Variants in NEDD4L observed in about 807,000 individuals in gnomAD.
NEDD4L encodes NEDD4 like E3 ubiquitin protein ligase.
NEDD4L carries 54 observed loss-of-function variants against 148.9 expected under a neutral mutation model. That is an observed-to-expected ratio of 0.36 (90% CI 0.29 to 0.45). The LOEUF (loss-of-function observed/expected upper bound fraction) is 0.45, where lower values mean the gene tolerates loss of function less well. Among genes scored for constraint, NEDD4L ranks in the 20% least tolerant of loss-of-function variants. The pLI is 1.00. For missense variants in NEDD4L, 856 were observed against 1,233.8 expected (o/e 0.69, Z 4.59); for synonymous variants, 433 against 440.7 (o/e 0.98, Z 0.22).
chr18:58,086,771 A>T (rs1419188236), intron 1 of NEDD4L, among the ~76,000 whole-genome samples: 1 of 152,254 alleles, frequency 6.6e-6, no homozygotes, highest in Non-Finnish European at 1.5e-5. Flanking sequence ...TATGATAGTT[A>T]TCTAATGTTG....
chr18:58,199,346 A>G (rs377556886), intron 2 of NEDD4L, among the ~76,000 whole-genome samples: 149 of 151,880 alleles, frequency 9.8e-4, no homozygotes, highest in African/African-American at 3.4e-3. Flanking sequence ...GACATTTTTC[A>G]TTGTCATATT....
intron 1 of NEDD4L, among the ~76,000 whole-genome samples, chr18:58,122,979 C>T (rs113330478): frequency 2.4e-4 from 36 of 152,166 alleles, no homozygotes; most frequent in African/African-American, 8.0e-4. Context: ...GTGATCCACC[C>T]ACTTCAGCCC....
At chr18:58,198,533 G>A (rs936141586) in intron 2 of NEDD4L, among the ~76,000 whole-genome samples, 1 of 152,196 alleles carries the variant, frequency 6.6e-6, no homozygotes, top group Admixed American at 6.5e-5. Flanking sequence ...CTAAGGTGGA[G>A]TGTCGGGGAG....
intron 2 of NEDD4L, among the ~76,000 whole-genome samples, chr18:58,209,133 G>A (rs56289638): frequency 0.36 from 50,877 of 142,326 alleles, 10,300 homozygotes; most frequent in East Asian, 0.62. Flanking sequence ...GTTCAAACTC[G>A]GCCTGCACTC....
intron 1 of NEDD4L, among the ~76,000 whole-genome samples, chr18:58,134,259 C>CTTT (rs1490190253): frequency 1.3e-5 from 2 of 152,140 alleles, no homozygotes; most frequent in Non-Finnish European, 2.9e-5. Flanking sequence ...CCTCGGGCTC[C>CTTT]CAAAGTGCTG....
At chr18:58,078,654 A>G (rs2083288562) in intron 1 of NEDD4L, among the ~76,000 whole-genome samples, 1 of 152,218 alleles carries the variant, frequency 6.6e-6, no homozygotes, top group Non-Finnish European at 1.5e-5. Context: ...ACTAGTTTTT[A>G]GGAAAACAAT....
At chr18:58,117,727 C>T (rs944593248) in intron 1 of NEDD4L, among the ~76,000 whole-genome samples, 7 of 152,186 alleles carry the variant, frequency 4.6e-5, no homozygotes, top group African/African-American at 1.4e-4. Flanking sequence ...CTGGGCCTCT[C>T]TGGAGTCTCT....
chr18:58,094,194 C>CT (rs1041855993), intron 1 of NEDD4L, among the ~76,000 whole-genome samples: 18 of 146,330 alleles, frequency 1.2e-4, no homozygotes, highest in Admixed American at 3.4e-4. Context: ...TTTTTCTTTT[C>CT]TTTTTTTTGA....
intron 1 of NEDD4L, among the ~76,000 whole-genome samples, chr18:58,065,925 T>C (rs1454921790): frequency 6.6e-6 from 1 of 152,236 alleles, no homozygotes; most frequent in Admixed American, 6.5e-5. Flanking sequence ...TATTGAATGA[T>C]AGCTCACTGC....
intron 1 of NEDD4L, among the ~76,000 whole-genome samples, chr18:58,123,526 C>T (rs1348406852): frequency 6.6e-6 from 1 of 152,148 alleles, no homozygotes; most frequent in South Asian, 2.1e-4. Flanking sequence ...AGGAGACCCC[C>T]GCCCCGGTTG....
chr18:58,355,358 G>A (rs764576971), intron 18 of NEDD4L, among the ~76,000 whole-genome samples: 13 of 152,196 alleles, frequency 8.5e-5, no homozygotes, highest in Non-Finnish European at 1.5e-4. Context: ...GTAAGGTCAC[G>A]TTACCAATTT....
At chr18:58,371,794 C>G (rs1024818202) in intron 23 of NEDD4L, 1 of 152,294 alleles carries the variant, frequency 6.6e-6, no homozygotes, top group Admixed American at 6.5e-5. Context: ...TGTGTTTGTG[C>G]TTTCTGCTTT....
intron 2 of NEDD4L, among the ~76,000 whole-genome samples, chr18:58,220,350 G>T (rs1259987942): frequency 6.6e-6 from 1 of 152,044 alleles, no homozygotes; most frequent in African/African-American, 2.4e-5. Context: ...AGACTGTAGT[G>T]AGATCGTGCC....
chr18:58,185,509 T>C (rs1378936052), intron 2 of NEDD4L, among the ~76,000 whole-genome samples: 1 of 152,222 alleles, frequency 6.6e-6, no homozygotes, highest in African/African-American at 2.4e-5. Context: ...CTATCACAGC[T>C]ACCCTTAAAC....
intron 5 of NEDD4L, chr18:58,255,436 A>G (rs1410527712): frequency 1.8e-6 from 2 of 1,122,672 alleles, no homozygotes; most frequent in Non-Finnish European, 1.1e-6. Context: ...TGTGGATGAG[A>G]GCTTTTTGCT....
intron 5 of NEDD4L, among the ~76,000 whole-genome samples, chr18:58,288,258 G>GT (rs1160970715): frequency 1.3e-5 from 2 of 152,152 alleles, no homozygotes; most frequent in African/African-American, 2.4e-5. Flanking sequence ...CGGATTCTCT[G>GT]TTTTTTTCCT....
chr18:58,171,893 G>T (rs1487723891), intron 2 of NEDD4L, among the ~76,000 whole-genome samples: 48 of 152,212 alleles, frequency 3.2e-4, no homozygotes, highest in Non-Finnish European at 2.1e-4. Flanking sequence ...TCAGAGAAAA[G>T]AATCTGGGGG....
Position 58,245,837 on chromosome 18 carries a change from T to C in NEDD4L, c.204+329T>C, listed in dbSNP as rs893666767. ...CAGGGATTACAGGCACCTGTCACCATGCCTGGCTATTTTTTTTTTTTTTTT... is the reference window on the plus strand; with the variant it reads ...CAGGGATTACAGGCACCTGTCACCACGCCTGGCTATTTTTTTTTTTTTTTT... On this transcript the variant is annotated intron_variant, in intron 3 of 30. Transcript: ENST00000400345. Among the ~76,000 whole-genome samples the C allele has an allele frequency of 2.0e-5, 3 of 147,918 alleles. No homozygotes were observed. The South Asian group carries it at 6.6e-4, about 32-fold the overall frequency.
chr18:58,129,377 A>G (rs1467466715), intron 1 of NEDD4L, among the ~76,000 whole-genome samples: 2 of 152,226 alleles, frequency 1.3e-5, no homozygotes, highest in Non-Finnish European at 2.9e-5. Context: ...AGATGTGTTC[A>G]TGTCCTGGGA....
Sources: allele counts gnomAD v4.1 joint callset (sites outside exome capture counted in the v4.1 genomes callset), GRCh38; gene constraint gnomAD v4.1.1; transcripts MANE v1.5; gene names NCBI Gene and HGNC (gene_info 2026-07-23, HGNC 2026-07-21).